The following STPG2 variants were observed in gnomAD, a reference collection of about 807,000 sequenced individuals.
The protein encoded by STPG2 is sperm-tail PG-rich repeat-containing protein 2.
Under a neutral mutation model 54.2 loss-of-function variants are expected in STPG2, and 56 were observed. That is an observed-to-expected ratio of 1.03 (90% CI 0.83 to 1.29). STPG2 has a LOEUF of 1.29. STPG2 is among the 50% of genes most tolerant of loss of function. The pLI, the probability that STPG2 is intolerant of heterozygous loss-of-function variation, is 0.00. For synonymous variants in STPG2, 200 were observed against 181.8 expected, an observed-to-expected ratio of 1.10 and a Z score of -0.81; for missense variants, 596 against 544.9, an observed-to-expected ratio of 1.09 and a Z score of -0.93.
chr4:97,858,755 T>G (rs1404383885), intron 8 of STPG2, among the ~76,000 whole-genome samples: 3 of 152,198 alleles, frequency 2.0e-5, no homozygotes, highest in Non-Finnish European at 2.9e-5. Context: ...CTGAGTAGTA[T>G]TCCATGGTGT....
chr4:97,651,987 G>A (rs1722082574), intron 10 of STPG2, among the ~76,000 whole-genome samples: 2 of 151,918 alleles, frequency 1.3e-5, no homozygotes, highest in Admixed American at 1.3e-4. Flanking sequence ...AAAATATCTT[G>A]AGTGAAATTT....
intron 10 of STPG2, among the ~76,000 whole-genome samples, chr4:97,566,451 C>T (rs1171094560): frequency 1.1e-4 from 17 of 152,182 alleles, no homozygotes; most frequent in Non-Finnish European, 1.6e-4. Context: ...CACTGTCCTG[C>T]GCCCACTGTC....
intron 9 of STPG2, among the ~76,000 whole-genome samples, chr4:97,779,784 C>T (rs1354026710): frequency 6.6e-6 from 1 of 152,158 alleles, no homozygotes; most frequent in Non-Finnish European, 1.5e-5. Flanking sequence ...ATACAACGTT[C>T]TTAAAGAAAA....
At chr4:97,804,547 CTA>C (rs1440906430) in intron 9 of STPG2, among the ~76,000 whole-genome samples, 1 of 151,940 alleles carries the variant, frequency 6.6e-6, no homozygotes, top group Non-Finnish European at 1.5e-5. Context: ...GTGCTTTAAA[CTA>C]AGCATTATTA....
intron 8 of STPG2, among the ~76,000 whole-genome samples, chr4:97,877,676 A>C (rs1298629296): frequency 1.3e-5 from 2 of 152,272 alleles, no homozygotes; most frequent in Non-Finnish European, 2.9e-5. Flanking sequence ...CCCTCCCACA[A>C]CATGGGGGAA....
chr4:97,862,405 A>C (rs1284879192), intron 8 of STPG2, among the ~76,000 whole-genome samples: 1 of 152,154 alleles, frequency 6.6e-6, no homozygotes, highest in Non-Finnish European at 1.5e-5. Flanking sequence ...ACTATCTTAA[A>C]TATATATGCA....
chr4:98,030,080 G>T (rs950809836), intron 5 of STPG2, among the ~76,000 whole-genome samples: 6 of 152,128 alleles, frequency 3.9e-5, no homozygotes, highest in African/African-American at 1.2e-4. Flanking sequence ...ATTTCATGGG[G>T]TTAATCTTCC....
At chr4:97,554,050 T>C (rs1302070372), downstream of STPG2, among the ~76,000 whole-genome samples, 7 of 152,216 alleles carry the variant, frequency 4.6e-5, no homozygotes, top group Non-Finnish European at 1.0e-4. Flanking sequence ...TTCTAAAGTG[T>C]CATTATAAAT....
At chr4:97,785,729 C>T (rs1416693573) in intron 9 of STPG2, among the ~76,000 whole-genome samples, 1 of 151,962 alleles carries the variant, frequency 6.6e-6, no homozygotes, top group Non-Finnish European at 1.5e-5. Context: ...TGGCTCCAGA[C>T]CTCCGATAAC....
chr4:97,510,759 T>C (rs142806742), intron 4 of STPG2, among the ~76,000 whole-genome samples: 18 of 152,194 alleles, frequency 1.2e-4, no homozygotes, highest in Non-Finnish European at 2.1e-4. Context: ...AAATCTTAAG[T>C]ATAAACACTA....
At chr4:97,993,126 T>G (rs1735074123) in intron 5 of STPG2, among the ~76,000 whole-genome samples, 1 of 152,130 alleles carries the variant, frequency 6.6e-6, no homozygotes, top group Non-Finnish European at 1.5e-5. Context: ...CTATGTTGAG[T>G]AGAAGTGATG....
chr4:97,465,832 C>A (rs1729775073), intron 4 of STPG2, among the ~76,000 whole-genome samples: 1 of 151,146 alleles, frequency 6.6e-6, no homozygotes, highest in Non-Finnish European at 1.5e-5. Flanking sequence ...TATTTTTGAT[C>A]CATGGTTGGT....
At chr4:98,118,506 T>C (rs1008756725) in intron 3 of STPG2, among the ~76,000 whole-genome samples, 5 of 152,140 alleles carry the variant, frequency 3.3e-5, no homozygotes, top group South Asian at 2.1e-4. Flanking sequence ...AATAAACCTG[T>C]AGTGTTAGAC....
chr4:97,872,682 A>C (rs1730034559), intron 8 of STPG2, among the ~76,000 whole-genome samples: 1 of 151,340 alleles, frequency 6.6e-6, no homozygotes, highest in South Asian at 2.1e-4. Context: ...TAAACATGAC[A>C]GATCATAGGT....
intron 4 of STPG2, among the ~76,000 whole-genome samples, chr4:97,500,644 G>A (rs1345522189): frequency 6.6e-6 from 1 of 152,012 alleles, no homozygotes; most frequent in Non-Finnish European, 1.5e-5. Flanking sequence ...GAAAATGGCT[G>A]GTCAGTGAGA....
chr4:98,030,743 C>T (rs560692622), intron 5 of STPG2, among the ~76,000 whole-genome samples: 1 of 152,234 alleles, frequency 6.6e-6, no homozygotes, highest in Admixed American at 6.5e-5. Context: ...ACACCTACAA[C>T]TATCTGATCT....
intron 8 of STPG2, among the ~76,000 whole-genome samples, chr4:97,935,260 G>C (rs909392265): frequency 6.6e-6 from 1 of 150,992 alleles, no homozygotes; most frequent in East Asian, 1.9e-4. Flanking sequence ...TCTTTATTAT[G>C]CTAGCTACAT....
chr4:97,497,071 A>T (rs111455142), intron 4 of STPG2, among the ~76,000 whole-genome samples: 2,448 of 151,660 alleles, frequency 0.016, 63 homozygotes, highest in African/African-American at 0.056. Context: ...GAGTTGTATA[A>T]GAAAAATAAG....
intron 9 of STPG2, among the ~76,000 whole-genome samples, chr4:97,807,498 G>A (rs573693669): frequency 7.2e-5 from 11 of 151,762 alleles, no homozygotes; most frequent in East Asian, 3.9e-4. Flanking sequence ...ACTGCCTATC[G>A]TGGAAATAAA....
Sources: gnomAD v4.1 joint callset for allele counts (sites outside exome capture counted in the v4.1 genomes callset) on GRCh38, gnomAD v4.1.1 for gene constraint, MANE v1.5 for transcripts, NCBI Gene and HGNC (gene_info 2026-07-23, HGNC 2026-07-21) for gene names.